The following RNPEPL1 variants were observed in gnomAD, a reference collection of about 807,000 sequenced individuals.
The protein encoded by RNPEPL1 is arginyl aminopeptidase like 1.
RNPEPL1 carries 46 observed loss-of-function variants against 69.0 expected under a neutral mutation model. The observed-to-expected ratio is 0.67, with a 90% CI of 0.53 to 0.85. The LOEUF (loss-of-function observed/expected upper bound fraction) is 0.85. Ranked by LOEUF, RNPEPL1 falls within the 40% of genes least tolerant of loss-of-function variation. The pLI is 0.00. For synonymous variants in RNPEPL1, 525 were observed against 454.1 expected, an observed-to-expected ratio of 1.16 and a Z score of -1.98; for missense variants, 869 against 992.5, an observed-to-expected ratio of 0.88 and a Z score of 1.67.
In RNPEPL1 at chr2:240,579,676, A is replaced by G. The variant is rs2975749; in HGVS notation, c.*1784A>G. The G allele has an allele frequency of 0.86, 130,584 of 152,132 alleles. 56,132 individuals carry two copies. The highest frequency in any genetic ancestry group is 0.99 in the East Asian group (5,074 of 5,134). The allele number at this position is 152,132 out of a possible 1,614,324, so 9.4% of individuals were successfully genotyped here. A position where few individuals can be genotyped will look rare whatever the true frequency, so the allele number is the denominator to read the frequency against. On this transcript the variant is annotated 3_prime_UTR_variant, in exon 11 of 11. Coordinates refer to ENST00000270357, the MANE Select transcript of RNPEPL1 (RefSeq NM_018226.6). Reference sequence around the variant, plus strand: ...AGTGGACACCCCACTCCCCCAAGTCATGTTCTCTGTGGCCTGGGGCTCCAG... The same window carrying G: ...AGTGGACACCCCACTCCCCCAAGTCGTGTTCTCTGTGGCCTGGGGCTCCAG...
intron 8 of RNPEPL1, chr2:240,576,136 A>G (rs911791567): frequency 1.1e-5 from 3 of 277,440 alleles, no homozygotes; most frequent in South Asian, 5.2e-5. Context: ...TTTTGTGGGT[A>G]GGGAATGGGC....
At chr2:240,574,044 G>A in intron 4 of RNPEPL1, 69 bp from the exon 5 acceptor site, 1 of 1,462,510 alleles carries the variant, frequency 6.8e-7, no homozygotes. Flanking sequence ...GGTGGAAGGT[G>A]GGGTGCGGGT....
In RNPEPL1 at chr2:240,576,917, G is replaced by C. The variant is rs770497600; in HGVS notation, c.1811G>C (p.Arg604Pro). Residue 604 changes from arginine (R) to proline (P), a missense_variant, in exon 10 of 11, where the codon CGC becomes CCC. This residue lies in a region of RNPEPL1 where 610 missense variants were observed against 790.9 expected (regional missense o/e 0.77). Transcript: ENST00000270357. ...LDSMNAEIRI[R>P]WLQIVVRNDY... Reference sequence around the variant, plus strand: ...TCGATGAACGCTGAGATCCGCATCCGCTGGCTGCAGATTGTGGTCCGCAAC... The same window carrying C: ...TCGATGAACGCTGAGATCCGCATCCCCTGGCTGCAGATTGTGGTCCGCAAC... 1.2e-6 allele frequency: 2 copies of C among 1,613,512 alleles called. No individual in the cohort carries two copies. The highest frequency in any genetic ancestry group is 3.3e-5 in the Admixed American group (2 of 60,034).
rs1575440748 is a variant in RNPEPL1 at position 240,580,216 on chromosome 2, A to G, written c.*2324A>G. ...TCGCTTCCCTGCAGTCCCTTGTCCA[A>G]TGCAGCCTCCGGCCGATACTCAGGC... On this transcript the variant is annotated 3_prime_UTR_variant, in exon 11 of 11. Coordinates refer to ENST00000270357, the MANE Select transcript of RNPEPL1 (RefSeq NM_018226.6). 1.3e-5 allele frequency: 2 copies of G among 152,084 alleles called. No homozygotes were observed. Among genetic ancestry groups the G allele is most frequent in the African/African-American group, 2.4e-5 (1 of 41,364 alleles). 9.4% of individuals were successfully genotyped at this position (152,084 alleles called of 1,614,324 possible). A position where few individuals can be genotyped will look rare whatever the true frequency, so the allele number is the denominator to read the frequency against.
rs2093038306 is a variant in RNPEPL1 at position 240,576,585 on chromosome 2, C to T, written c.1561C>T (p.Pro521Ser). ...TGCCACAGGCCCGCCGCTGGCTGAG[C>T]CGGACCTGTCTCAGGGATCCAGCCT... The part of the protein sequence containing the change: ...LNATGPPLAE[P>S]DLSQGSSLTR... The change falls in exon 9 of 11, where the codon CCG becomes TCG. Residue 521 changes from proline to serine, a missense_variant. Transcript: ENST00000270357. The T allele has an allele frequency of 1.2e-6, 2 of 1,612,834 alleles. No individual in the cohort carries two copies. Among genetic ancestry groups the T allele is most frequent in the South Asian group, 2.2e-5 (2 of 91,086 alleles).
Position 240,569,160 on chromosome 2 carries a change from G to C in RNPEPL1, c.528+46G>C, listed in dbSNP as rs1205415150. The C allele has an allele frequency of 5.1e-6, 7 of 1,379,570 alleles. 1 individual carries two copies. The South Asian group carries it at 1.1e-4, about 22-fold the overall frequency. 85.5% of individuals were successfully genotyped at this position (1,379,570 alleles called of 1,614,324 possible). ...GGGGCTGCGGGCCGGTCCGCAGGGC[G>C]CTGCTAGCGGCCTCTCGCCGCACGG... On this transcript the variant is annotated intron_variant, in intron 1 of 10. Coordinates refer to ENST00000270357, the MANE Select transcript of RNPEPL1 (RefSeq NM_018226.6).
chr2:240,574,327 C>T lies in RNPEPL1; in HGVS notation c.1153C>T (p.Arg385Cys). ...SEGLATYAQR[R>C]ITTETYGAAF... The stretch of plus-strand genomic sequence containing the variant: ...GGGCCTGGCCACCTATGCCCAGCGC[C>T]GTATCACCACCGAGACCTACGGTGC... Residue 385 changes from arginine (R) to cysteine (C), a missense_variant, in exon 5 of 11, where the codon CGT becomes TGT. Physicochemically the swap from Arg to Cys is radical, Grantham distance 180. This residue lies in a region of RNPEPL1 where 610 missense variants were observed against 790.9 expected (regional missense o/e 0.77). Coordinates refer to ENST00000270357, the MANE Select transcript of RNPEPL1 (RefSeq NM_018226.6). The T allele has an allele frequency of 6.3e-7, 1 of 1,596,962 alleles. No homozygotes were observed. Among genetic ancestry groups the T allele is most frequent in the Non-Finnish European group, 8.5e-7 (1 of 1,177,408 alleles).
chr2:240,574,659 C>T (rs755094536), intron 6 of RNPEPL1, 31 bp downstream of exon 6: 51 of 1,552,636 alleles, frequency 3.3e-5, no homozygotes, highest in Non-Finnish European at 4.4e-5. Context: ...GCTCCCACAA[C>T]TGGGGATGTC....
At chr2:240,569,201 C>T in intron 1 of RNPEPL1, 87 bp downstream of exon 1, 1 of 1,322,912 alleles carries the variant, frequency 7.6e-7, no homozygotes, top group Non-Finnish European at 9.7e-7. Flanking sequence ...CTGAGGGACG[C>T]GAATCTGCGC....
intron 6 of RNPEPL1, 74 bp downstream of exon 6, chr2:240,574,702 T>G (rs1253516676): frequency 1.6e-6 from 2 of 1,254,924 alleles, no homozygotes; most frequent in African/African-American, 3.0e-5. Flanking sequence ...GCCCTTCGTG[T>G]GTTCTGGCTG....
chr2:240,574,018 G>A (rs1372618364), intron 4 of RNPEPL1, 95 bp from the exon 5 acceptor site: 6 of 1,401,180 alleles, frequency 4.3e-6, no homozygotes, highest in Admixed American at 3.9e-5. Flanking sequence ...CGCAGGGGCT[G>A]GGCTGATCCC....
At chr2:240,573,315 C>T (rs1485651209) in intron 3 of RNPEPL1, 54 bp downstream of exon 3, 23 of 1,508,518 alleles carry the variant, frequency 1.5e-5, no homozygotes, top group Middle Eastern at 2.2e-4. Flanking sequence ...GGGAGAGCCC[C>T]ACCGGGGGTC....
intron 1 of RNPEPL1, among the ~76,000 whole-genome samples, chr2:240,570,441 C>T (rs545979149): frequency 6.6e-6 from 1 of 152,350 alleles, no homozygotes; most frequent in South Asian, 2.1e-4. Context: ...TTGCAGAAGG[C>T]AGAGTATTCG....
Position 240,576,645 on chromosome 2 carries a change from A to G in RNPEPL1, c.1621A>G (p.Thr541Ala). The G allele has an allele frequency of 6.2e-7, 1 of 1,613,000 alleles. No homozygotes were observed. The highest frequency in any genetic ancestry group is 8.5e-7 in the Non-Finnish European group (1 of 1,179,980). ...CGTGGAGGCCCTTTTCCAGCTGTGG[A>G]CCGCAGAACCTCTGGACCAGGCAGC... ...RPVEALFQLW[T>A]AEPLDQAAAS... The change falls in exon 9 of 11, where the codon ACC becomes GCC. Residue 541 changes from threonine to alanine, a missense_variant. This residue lies in a region of RNPEPL1 where 610 missense variants were observed against 790.9 expected (regional missense o/e 0.77). Coordinates refer to ENST00000270357, the MANE Select transcript of RNPEPL1 (RefSeq NM_018226.6).
intron 8 of RNPEPL1, chr2:240,575,847 C>T (rs1052206950): frequency 4.9e-5 from 27 of 545,704 alleles, no homozygotes; most frequent in Non-Finnish European, 7.6e-5. Flanking sequence ...GTCAGGCACT[C>T]CCAGGAAGCG....
chr2:240,574,487 C>A (rs1472530378), intron 5 of RNPEPL1, 28 bp from the exon 6 acceptor site: 2 of 1,592,778 alleles, frequency 1.3e-6, no homozygotes, highest in Admixed American at 3.5e-5. Context: ...ACCCCCTCAC[C>A]TCTCCTCTGT....
intron 6 of RNPEPL1, 138 bp downstream of exon 6, chr2:240,574,766 C>A (rs1003169417): frequency 1.6e-5 from 13 of 821,074 alleles, no homozygotes; most frequent in Non-Finnish European, 2.1e-5. Context: ...AAGCTGGGAG[C>A]CCCTGGCCAG....
chr2:240,570,779 G>A (rs955696307), intron 1 of RNPEPL1, among the ~76,000 whole-genome samples: 1 of 152,196 alleles, frequency 6.6e-6, no homozygotes. Flanking sequence ...ACCTGTGCCC[G>A]GGTGCCCTGA....
In RNPEPL1 at chr2:240,572,410, A is replaced by G. The variant is rs1329034848; in HGVS notation, c.529-13A>G. Reference sequence around the variant, plus strand: ...CTGGGTGGCCGTCTGCTGATGGGCCATCCTGCCCACAGATCTGGTGGCTGG... The same window carrying G: ...CTGGGTGGCCGTCTGCTGATGGGCCGTCCTGCCCACAGATCTGGTGGCTGG... On this transcript the variant is annotated splice_polypyrimidine_tract_variant and intron_variant, in intron 1 of 10. Coordinates refer to ENST00000270357, the MANE Select transcript of RNPEPL1 (RefSeq NM_018226.6). The G allele has an allele frequency of 2.0e-6, 3 of 1,535,744 alleles. No homozygotes were observed. The highest frequency in any genetic ancestry group is 4.9e-5 in the East Asian group (2 of 41,064).
Sources: allele counts gnomAD v4.1 joint callset (sites outside exome capture counted in the v4.1 genomes callset), GRCh38; gene constraint gnomAD v4.1.1; regional missense constraint gnomAD v4.1.1; transcripts MANE v1.5; gene names NCBI Gene and HGNC (gene_info 2026-07-23, HGNC 2026-07-21).